Variants in DISP1 observed in about 807,000 individuals in gnomAD.
DISP1 encodes the protein protein dispatched homolog 1.
A neutral mutation model predicts 37.3 loss-of-function variants in DISP1; 30 were observed. That is an observed-to-expected ratio of 0.80 (90% CI 0.60 to 1.09). DISP1 has a LOEUF of 1.09. DISP1 is among the 50% of genes least tolerant of loss of function. The pLI is 0.00. For synonymous variants in DISP1, 634 were observed against 690.2 expected, an observed-to-expected ratio of 0.92 and a Z score of 1.28; for missense variants, 1,598 against 1,879.5, an observed-to-expected ratio of 0.85 and a Z score of 2.77.
chr1:222,849,148 A>G (rs770186581), intron 1 of DISP1, among the ~76,000 whole-genome samples: 6 of 152,132 alleles, frequency 3.9e-5, no homozygotes, highest in Non-Finnish European at 8.8e-5. Flanking sequence ...TCTTTCAGTT[A>G]TTTGACTACC....
intron 3 of DISP1, among the ~76,000 whole-genome samples, chr1:222,963,990 G>A (rs1676267480): frequency 6.6e-6 from 1 of 151,908 alleles, no homozygotes; most frequent in African/African-American, 2.4e-5. Flanking sequence ...CAGGTCCTCT[G>A]CCTAAATAAA....
In DISP1 at chr1:222,943,303, G is replaced by T. The variant is rs778660148; in HGVS notation, c.480G>T (p.Gln160His). ...CGTGGCCTGACCATTTTCAGCATCA[G>T]CCTGTGCAACAGCACATAGCCAACA... ...HHPWPDHFQH[Q>H]PVQQHIANIR... Residue 160 changes from glutamine (Q) to histidine (H), a missense_variant, in exon 3 of 9, where the codon CAG becomes CAT. By Grantham distance (24) the Gln-to-His change is conservative. Transcript: ENST00000675850. 67 of 1,614,104 alleles carry T rather than the reference G, an allele frequency of 4.2e-5. 1 individual carries two copies. The Admixed American group carries it at 1.1e-3, about 26-fold the overall frequency.
intron 1 of DISP1, among the ~76,000 whole-genome samples, chr1:222,917,616 C>T (rs980494997): frequency 6.6e-6 from 1 of 152,064 alleles, no homozygotes; most frequent in Non-Finnish European, 1.5e-5. Flanking sequence ...TTTCAAAATT[C>T]GAGAGAATTT....
At chr1:222,874,243 A>T (rs950318388) in intron 1 of DISP1, among the ~76,000 whole-genome samples, 1 of 151,996 alleles carries the variant, frequency 6.6e-6, no homozygotes, top group Non-Finnish European at 1.5e-5. Flanking sequence ...GAATCTGACA[A>T]TTATGTGTCT....
At chr1:222,961,290 A>T (rs2609365) in intron 3 of DISP1, among the ~76,000 whole-genome samples, 152,288 of 152,342 alleles carry the variant, frequency 1, 76,117 homozygotes, top group Non-Finnish European at 1. Flanking sequence ...TCAGCTTCAT[A>T]CCCAGGATGC....
intron 1 of DISP1, among the ~76,000 whole-genome samples, chr1:222,840,763 A>C (rs1365513404): frequency 4.0e-5 from 6 of 151,576 alleles, no homozygotes; most frequent in Non-Finnish European, 8.8e-5. Flanking sequence ...GGGGTTTCAC[A>C]GTGTTAGCTA....
intron 3 of DISP1, among the ~76,000 whole-genome samples, chr1:222,961,937 C>T (rs1366262340): frequency 1.3e-5 from 2 of 151,838 alleles, no homozygotes; most frequent in Non-Finnish European, 2.9e-5. Context: ...ACCCAGGAGG[C>T]AGAGGTTGCA....
intron 1 of DISP1, among the ~76,000 whole-genome samples, chr1:222,824,569 T>C (rs1054056273): frequency 6.6e-5 from 10 of 152,204 alleles, no homozygotes; most frequent in Non-Finnish European, 1.5e-4. Context: ...CCTAAAAGTG[T>C]TTTATTTTCC....
chr1:222,983,872 A>T (rs988781706), intron 4 of DISP1, among the ~76,000 whole-genome samples: 1 of 152,074 alleles, frequency 6.6e-6, no homozygotes, highest in South Asian at 2.1e-4. Flanking sequence ...AAGAGTTCCT[A>T]AAAAAAGCGT....
chr1:222,863,348 T>C (rs1668991555), intron 1 of DISP1, among the ~76,000 whole-genome samples: 1 of 147,742 alleles, frequency 6.8e-6, no homozygotes, highest in Non-Finnish European at 1.5e-5. Flanking sequence ...GGTGAAACCT[T>C]GTCTCTACAA....
rs538813454 is a variant in DISP1 at position 222,852,195 on chromosome 1, A to G, written c.-159+37117A>G. ...CTCCAACTCAAAAATAAATAAATAA[A>G]TAAATAAATTTACTGAAAAAAAATT... is the stretch of plus-strand genomic sequence containing the variant. On this transcript the variant is annotated intron_variant, in intron 1 of 8. Coordinates refer to ENST00000675850, the MANE Select transcript of DISP1 (RefSeq NM_001377229.1). Among the ~76,000 whole-genome samples the G allele has an allele frequency of 2.0e-4, 30 of 152,076 alleles. No individual in the cohort carries two copies. In the South Asian group the frequency reaches 2.3e-3, roughly 12 times the overall value.
chr1:222,918,252 C>G (rs760518864), intron 1 of DISP1, among the ~76,000 whole-genome samples: 33 of 152,118 alleles, frequency 2.2e-4, no homozygotes, highest in Admixed American at 2.0e-4. Context: ...TATTGGATTT[C>G]CCAGTCAGAG....
chr1:222,989,940 C>T (rs1265946769), intron 4 of DISP1, among the ~76,000 whole-genome samples: 2 of 151,910 alleles, frequency 1.3e-5, no homozygotes, highest in Non-Finnish European at 2.9e-5. Context: ...GTAGCTAGGA[C>T]TACAGGCGTG....
chr1:222,904,374 CAA>C (rs1316049838), intron 1 of DISP1, among the ~76,000 whole-genome samples: 1 of 151,848 alleles, frequency 6.6e-6, no homozygotes. Flanking sequence ...TGAGCTATAC[CAA>C]AGATATTATT....
At chr1:222,998,925 T>A (rs190887527) in intron 8 of DISP1, among the ~76,000 whole-genome samples, 9 of 152,228 alleles carry the variant, frequency 5.9e-5, no homozygotes, top group Admixed American at 1.3e-4. Context: ...CTCCCGAGGC[T>A]CCCCTTAAAC....
In DISP1 at chr1:223,003,685, G is replaced by C; in HGVS notation, c.2288G>C (p.Arg763Pro). The change falls in exon 9 of 9, where the codon CGT becomes CCT. Residue 763 changes from arginine (R) to proline (P), a missense_variant. Physicochemically the swap from Arg to Pro is moderately radical, Grantham distance 103 (BLOSUM62 -2). Transcript: ENST00000675850. This position sits in a 1 kb window ranked among gnomAD's most constrained non-coding sequence, Gnocchi z 4.3. ...TTCCGGTCGTCCCATCCTTTTGAGCGTTATGATGCTGAATACAAAAAGCTT... is the reference window on the plus strand; with the variant it reads ...TTCCGGTCGTCCCATCCTTTTGAGCCTTATGATGCTGAATACAAAAAGCTT... ...QVFRSSHPFE[R>P]YDAEYKKLFM... 1 of 1,614,072 alleles carries C rather than the reference G, an allele frequency of 6.2e-7. No individual in the cohort carries two copies. The highest frequency in any genetic ancestry group is 8.5e-7 in the Non-Finnish European group (1 of 1,180,024).
chr1:222,941,923 T>TC (rs1343951667), intron 2 of DISP1, among the ~76,000 whole-genome samples: 4 of 152,008 alleles, frequency 2.6e-5, no homozygotes, highest in Non-Finnish European at 5.9e-5. Flanking sequence ...CCCTTTTTTT[T>TC]TTTTTTACTG....
At chr1:222,897,435 A>G (rs1476668550) in intron 1 of DISP1, among the ~76,000 whole-genome samples, 1 of 152,204 alleles carries the variant, frequency 6.6e-6, no homozygotes, top group Non-Finnish European at 1.5e-5. Flanking sequence ...AACTCATTGC[A>G]CTGTGTGTTT....
chr1:222,977,906 G>A (rs1269751742), intron 3 of DISP1, among the ~76,000 whole-genome samples: 3 of 152,170 alleles, frequency 2.0e-5, no homozygotes, highest in South Asian at 2.1e-4. Context: ...TGGTGTATAT[G>A]TGCCACATTT....
Sources: allele counts gnomAD v4.1 joint callset (sites outside exome capture counted in the v4.1 genomes callset), GRCh38; gene constraint gnomAD v4.1.1; non-coding constraint Gnocchi (gnomAD v3.1); transcripts MANE v1.5; gene names NCBI Gene and HGNC (gene_info 2026-07-23, HGNC 2026-07-21).